POLQ: variants seen among roughly 807,000 people sequenced by gnomAD.
The protein encoded by POLQ is DNA polymerase theta, also known as epididymis secretory sperm binding protein.
A neutral mutation model predicts 259.2 loss-of-function variants in POLQ; 233 were observed. The ratio of observed to expected loss-of-function variants is 0.90; its 90% CI spans 0.81 to 1.00. The LOEUF (loss-of-function observed/expected upper bound fraction) is 1.00, where lower values mean the gene tolerates loss of function less well. POLQ is among the 50% of genes least tolerant of loss of function. POLQ has a pLI of 0.00. For missense variants in POLQ, 2,871 were observed against 3,051.6 expected (o/e 0.94, Z 1.39); for synonymous variants, 1,025 against 1,048.8 (o/e 0.98, Z 0.44).
intron 6 of POLQ, among the ~76,000 whole-genome samples, chr3:121,530,362 G>C (rs2048402350): frequency 6.6e-6 from 1 of 152,098 alleles, no homozygotes; most frequent in African/African-American, 2.4e-5. Flanking sequence ...GAACATTTAA[G>C]GTAGGCTAGG....
At chr3:121,523,574 G>C (rs921963548) in intron 7 of POLQ, among the ~76,000 whole-genome samples, 1 of 151,966 alleles carries the variant, frequency 6.6e-6, no homozygotes, top group Non-Finnish European at 1.5e-5. Flanking sequence ...AATTAGCCAG[G>C]CATGGTGGCA....
chr3:121,489,745 C>G lies in POLQ; in HGVS notation c.3186G>C (p.Ala1062=). The change falls in exon 16 of 30, where the codon GCG becomes GCC. Residue 1062 remains alanine (A), a synonymous_variant. Coordinates refer to ENST00000264233, the MANE Select transcript of POLQ (RefSeq NM_199420.4). Reference sequence around the variant, plus strand: ...TCTGTCCTTGTAAATGGATTCTACACGCTCCAGAGTCTTTCAGGGGGCTGC... The same window carrying G: ...TCTGTCCTTGTAAATGGATTCTACAGGCTCCAGAGTCTTTCAGGGGGCTGC... ...RDSSPLKDSG[A]CRIHLQGQTL... 1 of 1,612,162 alleles carries G rather than the reference C, an allele frequency of 6.2e-7. No homozygotes were observed. Among genetic ancestry groups the G allele is most frequent in the South Asian group, 1.1e-5 (1 of 90,632 alleles).
chr3:121,457,983 C>T (rs2047756792), intron 25 of POLQ, among the ~76,000 whole-genome samples: 2 of 152,122 alleles, frequency 1.3e-5, no homozygotes, highest in South Asian at 2.1e-4. Flanking sequence ...TTGGAACCAA[C>T]CCAAATGTCC....
rs41559812 is a variant in POLQ at position 121,468,771 on chromosome 3, T to C, written c.6719-340A>G. Among the ~76,000 whole-genome samples, 1,002 of 152,214 alleles carry C rather than the reference T, an allele frequency of 6.6e-3. 4 individuals are homozygous for C. The highest frequency in any genetic ancestry group is 0.011 in the Non-Finnish European group (760 of 68,028). On this transcript the variant is annotated intron_variant, in intron 22 of 29. Coordinates refer to ENST00000264233, the MANE Select transcript of POLQ (RefSeq NM_199420.4). ...ACATGTTAGCGGTCATATTAATGAG[T>C]AAAGGCTAATCAAATGGATCTTAGG...
At chr3:121,501,301 A>C (rs2048165661) in intron 12 of POLQ, among the ~76,000 whole-genome samples, 1 of 152,102 alleles carries the variant, frequency 6.6e-6, no homozygotes, top group Non-Finnish European at 1.5e-5. Context: ...TTTTTCAAAA[A>C]TAAAAATAAC....
chr3:121,432,507 G>A, intron 29 of POLQ, 90 bp from the exon 30 acceptor site: 2 of 1,329,244 alleles, frequency 1.5e-6, no homozygotes, highest in Non-Finnish European at 2.0e-6. Context: ...CCAGACTGGA[G>A]CTCTTCACCC....
At chr3:121,499,829 TAAGTA>T (rs763367665) in intron 12 of POLQ, among the ~76,000 whole-genome samples, 19 of 151,980 alleles carry the variant, frequency 1.3e-4, no homozygotes, top group South Asian at 2.1e-4. Flanking sequence ...GCTATTGAAA[TAAGTA>T]AAGACTTCAA....
intron 2 of POLQ, among the ~76,000 whole-genome samples, chr3:121,544,210 G>C (rs1264694849): frequency 2.0e-5 from 3 of 151,784 alleles, no homozygotes; most frequent in Admixed American, 2.0e-4. Flanking sequence ...AAAAGTAGCT[G>C]GGCCTGGTGG....
At chr3:121,448,836 C>T (rs545266224) in intron 26 of POLQ, among the ~76,000 whole-genome samples, 1 of 152,192 alleles carries the variant, frequency 6.6e-6, no homozygotes, top group East Asian at 1.9e-4. Context: ...GAACTATATA[C>T]CTTTTTCAGG....
chr3:121,532,894 T>A, intron 6 of POLQ, 96 bp downstream of exon 6: 1 of 796,500 alleles, frequency 1.3e-6, no homozygotes, highest in South Asian at 1.8e-5. Flanking sequence ...TATATGTAAC[T>A]CCCAATTACA....
At chr3:121,496,144 T>C (rs2048121109) in intron 14 of POLQ, among the ~76,000 whole-genome samples, 1 of 151,534 alleles carries the variant, frequency 6.6e-6, no homozygotes, top group Non-Finnish European at 1.5e-5. Context: ...CTCTCCATCT[T>C]CCGTCCTTCT....
rs1406454951 is a variant in POLQ at position 121,457,724 on chromosome 3, G to A, written c.7152+2326C>T. ...CAGTTAGAATGGCAATCATTAAAAC[G>A]TCAGGAAACAACAGGTGCTGGAGAG... On this transcript the variant is annotated intron_variant, in intron 25 of 29. Coordinates refer to ENST00000264233, the MANE Select transcript of POLQ (RefSeq NM_199420.4). Among the ~76,000 whole-genome samples the A allele has an allele frequency of 2.0e-5, 3 of 152,180 alleles. No individual in the cohort carries two copies. In the East Asian group the frequency reaches 5.8e-4, roughly 29 times the overall value.
intron 9 of POLQ, among the ~76,000 whole-genome samples, chr3:121,515,912 G>A (rs1424751263): frequency 6.6e-6 from 1 of 151,890 alleles, no homozygotes; most frequent in East Asian, 1.9e-4. Flanking sequence ...AGGATATATG[G>A]ATAAAAAATT....
At position 121,536,713 on chromosome 3, in the gene POLQ, T is replaced by C. The variant is rs139019809; in HGVS notation, c.740+387A>G. On this transcript the variant is annotated intron_variant, in intron 5 of 29. Coordinates refer to ENST00000264233, the MANE Select transcript of POLQ (RefSeq NM_199420.4). ...AGGCTAGAGTAAAGTGGCACAATCA[T>C]ACCTCATTGCAGCCTGGAACTCTTG... 5.9e-5 allele frequency among the ~76,000 whole-genome samples: 9 copies of C among 152,278 alleles called. No individual in the cohort carries two copies. In the East Asian group the frequency reaches 1.7e-3, roughly 29 times the overall value.
At position 121,489,594 on chromosome 3, in the gene POLQ, A is replaced by G; in HGVS notation, c.3337T>C (p.Ser1113Pro). Residue 1113 changes from serine to proline, a missense_variant, in exon 16 of 30, where the codon TCA (serine) becomes CCA (proline). By Grantham distance (74) the Ser-to-Pro change is moderately conservative (BLOSUM62 -1). Around this residue, in one of 3 missense-constraint regions of POLQ, gnomAD observed 2,080 missense variants for 2,126.0 expected, o/e 0.98. Coordinates refer to ENST00000264233, the MANE Select transcript of POLQ (RefSeq NM_199420.4). Reference sequence around the variant, plus strand: ...TTTTGCTTTATTTGTAATGGGAATGATGTTTTATTATCTTTTTCCTTACCA... The same window carrying G: ...TTTTGCTTTATTTGTAATGGGAATGGTGTTTTATTATCTTTTTCCTTACCA... ...LSGKEKDNKTSFPLQIKQNCS... is the reference protein window; with the variant it reads ...LSGKEKDNKTPFPLQIKQNCS... 6.2e-7 allele frequency: 1 copy of G among 1,613,080 alleles called. No homozygotes were observed. The highest frequency in any genetic ancestry group is 1.3e-5 in the African/African-American group (1 of 74,990).
chr3:121,500,734 G>A (rs554579821), intron 12 of POLQ, among the ~76,000 whole-genome samples: 7 of 152,128 alleles, frequency 4.6e-5, no homozygotes, highest in Admixed American at 6.5e-5. Context: ...TGAACTCCAA[G>A]CAGGATACAT....
Position 121,476,853 on chromosome 3 carries a change from C to G in POLQ, c.6212-120G>C, listed in dbSNP as rs553852698. The G allele has an allele frequency of 4.6e-4, 310 of 680,354 alleles. No individual in the cohort carries two copies. The African/African-American group carries it at 4.8e-3, about 11-fold the overall frequency. The allele number at this position is 680,354 out of a possible 1,614,324, so 42.1% of individuals were successfully genotyped here. ...CCAGAAATGCTACCAAGGTATCCTT[C>G]AGGAGCCAGTCTCCCGAGCAGCATC... On this transcript the variant is annotated intron_variant, in intron 19 of 29. Coordinates refer to ENST00000264233, the MANE Select transcript of POLQ (RefSeq NM_199420.4).
chr3:121,489,246 T>C lies in POLQ; in HGVS notation c.3685A>G (p.Arg1229Gly), dbSNP rs150407933. ...PCEAVSSYINRDSNVTINCER... is the reference protein window; with the variant it reads ...PCEAVSSYINGDSNVTINCER... ...CAATTGATAGTAACATTTGAGTCTC[T>C]ATTTATGTAACTACTGACTGCTTCA... The change falls in exon 16 of 30, where the codon AGA becomes GGA. Residue 1229 changes from arginine to glycine, a missense_variant. Physicochemically the swap from Arg to Gly is moderately radical, Grantham distance 125 (BLOSUM62 -2). This residue lies in a region of POLQ where 2,080 missense variants were observed against 2,126.0 expected (regional missense o/e 0.98). Coordinates refer to ENST00000264233, the MANE Select transcript of POLQ (RefSeq NM_199420.4). 3.5e-5 allele frequency: 57 copies of C among 1,612,614 alleles called. No homozygotes were observed. In the African/African-American group the frequency reaches 7.6e-4, roughly 22 times the overall value.
At position 121,433,014 on chromosome 3, in the gene POLQ, T is replaced by G; in HGVS notation, c.7563A>C (p.Lys2521Asn). The stretch of plus-strand genomic sequence containing the variant: ...TGATTGGGCAGAACATCCCTTGCAG[T>G]TTTCTCTTTCGTGACAATCCTACTT... ...SDQTGLSRKR[K>N]LQGMFCPIRG... is the part of the protein sequence containing the mutation. Residue 2521 changes from lysine to asparagine, a missense_variant, in exon 29 of 30, where the codon AAA becomes AAC. Lys to Asn is a moderately conservative substitution (Grantham distance 94). This residue lies in a region of POLQ where 2,080 missense variants were observed against 2,126.0 expected (regional missense o/e 0.98). Coordinates refer to ENST00000264233, the MANE Select transcript of POLQ (RefSeq NM_199420.4). The G allele has an allele frequency of 1.2e-6, 2 of 1,609,538 alleles. No individual in the cohort carries two copies. Among genetic ancestry groups the G allele is most frequent in the Non-Finnish European group, 1.7e-6 (2 of 1,175,906 alleles).
Sources: allele counts gnomAD v4.1 joint callset (sites outside exome capture counted in the v4.1 genomes callset), GRCh38; gene constraint gnomAD v4.1.1; regional missense constraint gnomAD v4.1.1; transcripts MANE v1.5; gene names NCBI Gene and HGNC (gene_info 2026-07-23, HGNC 2026-07-21).